LATS2: variants seen among roughly 807,000 people sequenced by gnomAD.
LATS2 encodes the protein large tumor suppressor kinase 2.
A neutral mutation model predicts 76.0 loss-of-function variants in LATS2; 24 were observed. That is an observed-to-expected ratio of 0.32 (90% CI 0.23 to 0.44). LATS2 has a LOEUF of 0.44. Ranked by LOEUF, LATS2 falls within the 20% of genes least tolerant of loss-of-function variation. LATS2 has a pLI of 1.00. For synonymous variants in LATS2, 692 were observed against 635.4 expected, an observed-to-expected ratio of 1.09 and a Z score of -1.34; for missense variants, 1,286 against 1,481.2, an observed-to-expected ratio of 0.87 and a Z score of 2.16.
At position 21,045,778 on chromosome 13, in the gene LATS2, G is replaced by A; in HGVS notation, c.249C>T (p.Ser83=). 2 of 1,614,222 alleles carry A rather than the reference G, an allele frequency of 1.2e-6. No individual in the cohort carries two copies. Among genetic ancestry groups the A allele is most frequent in the Non-Finnish European group, 8.5e-7 (1 of 1,180,044 alleles). ...CCGATTCATTAGCAAAAGGCAACAA[G>A]GAATATCTGATTTCCCTCAAGGCTT... ...YQKALREIRY[S]LLPFANESGT... is the part of the protein sequence containing the mutation. The change falls in exon 2 of 8, where the codon TCC becomes TCT. Residue 83 remains serine, a synonymous_variant. Coordinates refer to ENST00000382592, the MANE Select transcript of LATS2 (RefSeq NM_014572.3).
rs1873061988 is a variant in LATS2, at chr13:21,045,949, T to C, written c.78A>G (p.Leu26=). The C allele has an allele frequency of 6.2e-7, 1 of 1,614,180 alleles. No homozygotes were observed. The highest frequency in any genetic ancestry group is 8.5e-7 in the Non-Finnish European group (1 of 1,180,024). Residue 26 remains leucine, a synonymous_variant, in exon 2 of 8, where the codon TTA becomes TTG. Transcript: ENST00000382592. ...GAACCGAAGACTTGGATGGCTGTTT[T>C]AACCCCTCACGAATCTCTTGCAGTC... ...RQRLQEIREG[L]KQPSKSSVQG... is the part of the protein sequence containing the mutation.
chr13:21,016,087 T>A (rs1394655879), intron 2 of LATS2, among the ~76,000 whole-genome samples: 1 of 151,456 alleles, frequency 6.6e-6, no homozygotes, highest in Non-Finnish European at 1.5e-5. Flanking sequence ...CCTCCTGGGT[T>A]CAAGCGATTC....
intron 2 of LATS2, among the ~76,000 whole-genome samples, chr13:21,030,591 C>CAAAAAA (rs374884189): frequency 1.2e-4 from 3 of 25,698 alleles, no homozygotes; most frequent in African/African-American, 1.0e-4. Context: ...GACTCCGTCT[C>CAAAAAA]AAAAAAAAAA....
chr13:20,981,391 T>C (rs1185157763), intron 6 of LATS2, 75 bp downstream of exon 6: 28 of 1,380,806 alleles, frequency 2.0e-5, no homozygotes, highest in Non-Finnish European at 2.8e-5. Context: ...CTTGGAAAGC[T>C]AGAGCCAGCG....
At chr13:21,006,790 C>CT (rs1289318167) in intron 2 of LATS2, among the ~76,000 whole-genome samples, 4 of 152,192 alleles carry the variant, frequency 2.6e-5, no homozygotes, top group Non-Finnish European at 5.9e-5. Context: ...GTGTTTGGGA[C>CT]TTTTTAAGAG....
chr13:21,012,375 C>T (rs1392676724), intron 2 of LATS2, among the ~76,000 whole-genome samples: 4 of 152,080 alleles, frequency 2.6e-5, no homozygotes, highest in Admixed American at 2.6e-4. Flanking sequence ...TTGTTTACAC[C>T]AACATAAACC....
In LATS2 at chr13:21,016,558, G is replaced by A. The variant is rs1225263338; in HGVS notation, c.343-25154C>T. On this transcript the variant is annotated intron_variant, in intron 2 of 7. Coordinates refer to ENST00000382592, the MANE Select transcript of LATS2 (RefSeq NM_014572.3). ...GCCTCCCAAAGTGCTGGAATTACAGGTATGAACCACCATGCTCAGCCAGTT... is the reference window on the plus strand; with the variant it reads ...GCCTCCCAAAGTGCTGGAATTACAGATATGAACCACCATGCTCAGCCAGTT... 3.9e-5 allele frequency among the ~76,000 whole-genome samples: 6 copies of A among 152,158 alleles called. No homozygotes were observed. In the East Asian group the frequency reaches 5.8e-4, roughly 15 times the overall value.
chr13:21,011,226 C>T (rs1871580540), intron 2 of LATS2, among the ~76,000 whole-genome samples: 4 of 152,114 alleles, frequency 2.6e-5, no homozygotes, highest in South Asian at 4.1e-4. Flanking sequence ...ACCTGCTTTT[C>T]CTCACTTGTC....
intron 4 of LATS2, among the ~76,000 whole-genome samples, chr13:20,986,230 A>G (rs182188572): frequency 6.6e-6 from 1 of 152,352 alleles, no homozygotes; most frequent in Admixed American, 6.5e-5. Context: ...AAGAAACTAA[A>G]AATAGAACTA....
chr13:21,006,077 C>T (rs533762400), intron 2 of LATS2, among the ~76,000 whole-genome samples: 24 of 151,932 alleles, frequency 1.6e-4, no homozygotes, highest in African/African-American at 5.6e-4. Context: ...GCAGAGGTTG[C>T]GGTGGGCCAA....
chr13:20,988,739 C>A lies in LATS2; in HGVS notation c.1041G>T (p.Leu347=), dbSNP rs767793375. The change falls in exon 4 of 8, where the codon CTG becomes CTT. Residue 347 remains leucine, a synonymous_variant. Transcript: ENST00000382592. ...VFASDSPPQS[L]LTPSRNSLNV... ...TGAGGCTGTTCCGCGAGGGAGTGAGCAGGCTCTGCGGGGGGCTGTCGCTGG... is the reference window on the plus strand; with the variant it reads ...TGAGGCTGTTCCGCGAGGGAGTGAGAAGGCTCTGCGGGGGGCTGTCGCTGG... 1 of 1,571,044 alleles carries A rather than the reference C, an allele frequency of 6.4e-7. No homozygotes were observed. The highest frequency in any genetic ancestry group is 8.6e-7 in the Non-Finnish European group (1 of 1,165,516).
At chr13:21,034,877 C>A (rs185011478) in intron 2 of LATS2, among the ~76,000 whole-genome samples, 2 of 152,136 alleles carry the variant, frequency 1.3e-5, no homozygotes, top group Non-Finnish European at 2.9e-5. Flanking sequence ...TAGAAGATTA[C>A]AAATTGTAAA....
intron 2 of LATS2, among the ~76,000 whole-genome samples, chr13:21,022,264 G>A (rs536342899): frequency 1.6e-4 from 24 of 152,102 alleles, no homozygotes; most frequent in Non-Finnish European, 2.2e-4. Context: ...GCATATGTGC[G>A]TGTGCATGTA....
At chr13:20,987,212 A>AAAAAAT (rs142208157) in intron 4 of LATS2, among the ~76,000 whole-genome samples, 1 of 102,292 alleles carries the variant, frequency 9.8e-6, no homozygotes, top group African/African-American at 3.4e-5. Context: ...ATTAAAAAAT[A>AAAAAAT]AAAAATAAAA....
At chr13:21,033,564 C>T (rs1872601748) in intron 2 of LATS2, among the ~76,000 whole-genome samples, 1 of 151,194 alleles carries the variant, frequency 6.6e-6, no homozygotes, top group South Asian at 2.1e-4. Flanking sequence ...TGAATTAAGC[C>T]ACTTGGCATG....
chr13:21,040,107 C>A (rs1222332463), intron 2 of LATS2, among the ~76,000 whole-genome samples: 1 of 151,520 alleles, frequency 6.6e-6, no homozygotes, highest in Non-Finnish European at 1.5e-5. Context: ...AAATTTCTGA[C>A]CAGGCATGGT....
chr13:21,048,220 C>A (rs764089367), intron 1 of LATS2, among the ~76,000 whole-genome samples: 1 of 152,162 alleles, frequency 6.6e-6, no homozygotes, highest in Admixed American at 6.5e-5. Context: ...CCGACAAAAA[C>A]GGAGAGGTTC....
rs745876198 is a variant in LATS2 at position 20,988,230 on chromosome 13, G to A, written c.1550C>T (p.Pro517Leu). The A allele has an allele frequency of 3.1e-6, 5 of 1,605,938 alleles. No homozygotes were observed. The highest frequency in any genetic ancestry group is 4.2e-6 in the Non-Finnish European group (5 of 1,179,206). The change falls in exon 4 of 8, where the codon CCC becomes CTC. Residue 517 changes from proline (P) to leucine (L), a missense_variant. Transcript: ENST00000382592. ...GGPDRRCPPP[P>L]YPKHLLLRSK... The stretch of plus-strand genomic sequence containing the variant: ...GCGCAGCAGCAGGTGCTTCGGGTAG[G>A]GCGGAGGCGGGCACCTCCGGTCTGG...
chr13:21,010,998 G>A (rs1871573018), intron 2 of LATS2, among the ~76,000 whole-genome samples: 1 of 152,206 alleles, frequency 6.6e-6, no homozygotes. Context: ...GCAGCTCCCT[G>A]GTTTGCAAAC....
Sources: allele counts gnomAD v4.1 joint callset (sites outside exome capture counted in the v4.1 genomes callset), GRCh38; gene constraint gnomAD v4.1.1; transcripts MANE v1.5; gene names NCBI Gene and HGNC (gene_info 2026-07-23, HGNC 2026-07-21).